The following NPHP4 variants were observed in gnomAD, a reference collection of about 807,000 sequenced individuals.
NPHP4 encodes nephrocystin 4.
In NPHP4, 151 loss-of-function variants were observed where a neutral mutation model predicts 155.8. That is an observed-to-expected ratio of 0.97 (90% CI 0.85 to 1.11). The LOEUF (loss-of-function observed/expected upper bound fraction) is 1.11. Ranked by LOEUF, NPHP4 falls within the 50% of genes least tolerant of loss-of-function variation. The pLI, the probability that NPHP4 is intolerant of heterozygous loss-of-function variation, is 0.00. For synonymous variants in NPHP4, 845 were observed against 816.8 expected (o/e 1.03, Z -0.59); for missense variants, 1,956 against 1,925.7 (o/e 1.02, Z -0.29).
chr1:5,877,899 T>C (rs1642785287), intron 19 of NPHP4, among the ~76,000 whole-genome samples: 1 of 152,168 alleles, frequency 6.6e-6, no homozygotes, highest in South Asian at 2.1e-4. Flanking sequence ...CAACAGAAGC[T>C]GAACAGGGTC....
At chr1:5,871,751 G>A (rs1482867700) in intron 23 of NPHP4, among the ~76,000 whole-genome samples, 2 of 152,220 alleles carry the variant, frequency 1.3e-5, no homozygotes, top group Non-Finnish European at 2.9e-5. Flanking sequence ...CAACTCCAGA[G>A]GCGGAGCACC....
Position 5,978,295 on chromosome 1 carries a change from G to GGT in NPHP4, c.252_253dup (p.Pro85HisfsTer18), listed in dbSNP as rs1557880076. On this transcript the variant is annotated frameshift_variant, in exon 3 of 30. Coordinates refer to ENST00000378156, the MANE Select transcript of NPHP4 (RefSeq NM_015102.5). LOFTEE classifies it high-confidence loss of function. ...CTCATTAAAGACGATCCTGGACGGC[G>GGT]GTCTCTTCGTCGGCTTCACTGTGGT... 1 of 1,608,170 alleles carries GGT rather than the reference G, an allele frequency of 6.2e-7. No homozygotes were observed. Among genetic ancestry groups the GGT allele is most frequent in the South Asian group, 1.1e-5 (1 of 90,070 alleles).
intron 3 of NPHP4, among the ~76,000 whole-genome samples, chr1:5,974,727 C>A (rs539418921): frequency 5.6e-4 from 85 of 150,944 alleles, no homozygotes; most frequent in African/African-American, 1.9e-3. Context: ...TCAAGACAAG[C>A]CTTCTGTGTT....
chr1:5,964,941 A>AATTTTTTTTT (rs1651148776), intron 5 of NPHP4, among the ~76,000 whole-genome samples: 1 of 59,428 alleles, frequency 1.7e-5, no homozygotes, highest in Admixed American at 2.3e-4. Flanking sequence ...ATATATATAT[A>AATTTTTTTTT]TTTTTTTTTT....
chr1:5,890,833 C>A lies in NPHP4; in HGVS notation c.2304+35G>T. 1 of 1,586,790 alleles carries A rather than the reference C, an allele frequency of 6.3e-7. No individual in the cohort carries two copies. Among genetic ancestry groups the A allele is most frequent in the Admixed American group, 1.7e-5 (1 of 58,698 alleles). On this transcript the variant is annotated intron_variant, in intron 17 of 29. Transcript: ENST00000378156. This position sits in a 1 kb window ranked among gnomAD's most constrained non-coding sequence, Gnocchi z 4.9. ...GTGACTCGTCCCATGAGGGACGCAG[C>A]ACCCACTGTGCCTGTCCTTCCAGAG...
rs1257313830 is a variant in NPHP4, at chr1:5,895,241, G to A, written c.2144-4213C>T. Among the ~76,000 whole-genome samples the A allele has an allele frequency of 2.0e-5, 3 of 152,136 alleles. No homozygotes were observed. In the East Asian group the frequency reaches 5.8e-4, roughly 29 times the overall value. On this transcript the variant is annotated intron_variant, in intron 16 of 29. Transcript: ENST00000378156. ...AGATATACCTAATGTTAAATGATGA[G>A]TTAATGGGTGCAGCACACCAACATG...
In NPHP4 at chr1:5,890,863, G is replaced by T. The variant is rs367651042; in HGVS notation, c.2304+5C>A. Reference sequence around the variant, plus strand: ...ACTGTGCCTGTCCTTCCAGAGAGCCGCTACCTTCATCTGGACGGCAGCAGA... The same window carrying T: ...ACTGTGCCTGTCCTTCCAGAGAGCCTCTACCTTCATCTGGACGGCAGCAGA... On this transcript the variant is annotated splice_donor_5th_base_variant and intron_variant, in intron 17 of 29. Transcript: ENST00000378156. The surrounding 1 kb of genome is among the most constrained non-coding windows in gnomAD (Gnocchi z 4.9). 5.6e-6 allele frequency: 9 copies of T among 1,606,244 alleles called. No individual in the cohort carries two copies. Among genetic ancestry groups the T allele is most frequent in the Non-Finnish European group, 7.7e-6 (9 of 1,175,140 alleles).
At chr1:5,948,630 C>T (rs900377002) in intron 7 of NPHP4, among the ~76,000 whole-genome samples, 2 of 152,108 alleles carry the variant, frequency 1.3e-5, no homozygotes, top group Admixed American at 1.3e-4. Context: ...GCCCACTCCC[C>T]CAGAGCCCCC....
At chr1:5,863,740 A>T (rs770970129) in intron 29 of NPHP4, 150 bp downstream of exon 29, 49 of 801,526 alleles carry the variant, frequency 6.1e-5, no homozygotes, top group Non-Finnish European at 9.4e-5. Flanking sequence ...CAACGGGCCC[A>T]CCCAACTATG....
chr1:5,947,336 A>C, intron 8 of NPHP4, 106 bp from the exon 9 acceptor site: 3 of 1,202,584 alleles, frequency 2.5e-6, no homozygotes, highest in African/African-American at 1.5e-5. Context: ...CCTGGGGGAC[A>C]CAGGGGTGCT....
intron 5 of NPHP4, among the ~76,000 whole-genome samples, chr1:5,966,668 T>C (rs1651563636): frequency 6.6e-6 from 1 of 152,036 alleles, no homozygotes; most frequent in African/African-American, 2.4e-5. Flanking sequence ...CTCCGGCCAC[T>C]CTTCCCCACC....
rs765801443 is a variant in NPHP4 at position 5,907,227 on chromosome 1, A to T, written c.1504-5T>A. ...CGCCAGCTGGGAAATTGACAACTGG[A>T]AGGAAAGAGAGCACAGGTGAGGGGC... On this transcript the variant is annotated splice_region_variant and splice_polypyrimidine_tract_variant and intron_variant, in intron 12 of 29. Transcript: ENST00000378156. 13 of 1,560,144 alleles carry T rather than the reference A, an allele frequency of 8.3e-6. No individual in the cohort carries two copies. In the South Asian group the frequency reaches 1.4e-4, roughly 17 times the overall value.
chr1:5,971,784 A>G (rs1434376502), intron 3 of NPHP4, among the ~76,000 whole-genome samples: 1 of 150,932 alleles, frequency 6.6e-6, no homozygotes, highest in African/African-American at 2.5e-5. Flanking sequence ...ACATCAACTG[A>G]AACTGCACTA....
At chr1:5,900,932 G>C (rs1358614148) in intron 16 of NPHP4, among the ~76,000 whole-genome samples, 2 of 152,092 alleles carry the variant, frequency 1.3e-5, no homozygotes, top group Admixed American at 6.6e-5. Context: ...GCTATGTGGG[G>C]GCTAAGGTGG....
At chr1:5,927,538 T>C (rs1326337003) in intron 11 of NPHP4, 111 bp downstream of exon 11, 1 of 1,200,566 alleles carries the variant, frequency 8.3e-7, no homozygotes, top group African/African-American at 1.5e-5. Flanking sequence ...TCTACGACGA[T>C]TATCTTACAA....
At chr1:5,893,330 G>A (rs924649022) in intron 16 of NPHP4, among the ~76,000 whole-genome samples, 5 of 152,136 alleles carry the variant, frequency 3.3e-5, no homozygotes, top group South Asian at 2.1e-4. Context: ...GTCTGGTTGC[G>A]CTGTTATTTA....
At chr1:5,939,293 G>A (rs1646702859) in intron 9 of NPHP4, among the ~76,000 whole-genome samples, 1 of 152,188 alleles carries the variant, frequency 6.6e-6, no homozygotes, top group East Asian at 1.9e-4. Flanking sequence ...AGGGTAATAG[G>A]TTCATAAAGC....
chr1:5,931,733 CAAAAAAAAAAA>C (rs60217132), intron 10 of NPHP4, among the ~76,000 whole-genome samples: 2 of 79,312 alleles, frequency 2.5e-5, no homozygotes, highest in Non-Finnish European at 4.6e-5. Flanking sequence ...GACTTCATCT[CAAAAAAAAAAA>C]AAAAAAAAAA....
At position 5,892,408 on chromosome 1, in the gene NPHP4, T is replaced by C. The variant is rs1644178261; in HGVS notation, c.2144-1380A>G. Among the ~76,000 whole-genome samples the C allele has an allele frequency of 6.6e-6, 1 of 152,076 alleles. No individual in the cohort carries two copies. The highest frequency in any genetic ancestry group is 2.1e-4 in the South Asian group (1 of 4,836). ...GTCAGCTCTGGGATCAGTGTCTCCC[T>C]GTTTTGAAACCCAGAGCTCCTTAAG... On this transcript the variant is annotated intron_variant, in intron 16 of 29. Transcript: ENST00000378156. This position sits in a 1 kb window ranked among gnomAD's most constrained non-coding sequence, Gnocchi z 4.5.
Sources: allele counts gnomAD v4.1 joint callset (sites outside exome capture counted in the v4.1 genomes callset), GRCh38; gene constraint gnomAD v4.1.1; non-coding constraint Gnocchi (gnomAD v3.1); transcripts MANE v1.5; gene names NCBI Gene and HGNC (gene_info 2026-07-23, HGNC 2026-07-21).